The following RGS6 variants were observed in gnomAD, a reference collection of about 807,000 sequenced individuals.
RGS6 encodes regulator of G protein signaling 6.
In RGS6, 30 loss-of-function variants were observed where a neutral mutation model predicts 78.5. The observed-to-expected ratio is 0.38, with a 90% CI of 0.29 to 0.52. RGS6 has a LOEUF of 0.52. Ranked by LOEUF, RGS6 falls within the 20% of genes least tolerant of loss-of-function variation. The pLI is 0.85. For synonymous variants in RGS6, 206 were observed against 206.0 expected, an observed-to-expected ratio of 1.00 and a Z score of 0.00; for missense variants, 495 against 609.7, an observed-to-expected ratio of 0.81 and a Z score of 1.98.
chr14:72,287,627 T>G (rs1214827785), intron 2 of RGS6, among the ~76,000 whole-genome samples: 2 of 152,088 alleles, frequency 1.3e-5, no homozygotes. Context: ...TGGCTAATTT[T>G]TTGTATTTTT....
intron 3 of RGS6, among the ~76,000 whole-genome samples, chr14:72,386,047 G>A (rs1399195652): frequency 1.3e-5 from 2 of 152,032 alleles, no homozygotes; most frequent in Admixed American, 6.6e-5. Context: ...CCCTCATCAC[G>A]GACTTGTCCC....
chr14:72,523,338 C>T (rs568401743), intron 15 of RGS6, among the ~76,000 whole-genome samples: 51 of 152,142 alleles, frequency 3.4e-4, no homozygotes, highest in Non-Finnish European at 6.6e-4. Context: ...TTTCTCTTCT[C>T]GGTTTGCCTC....
At chr14:72,385,683 T>C (rs767491805) in intron 3 of RGS6, among the ~76,000 whole-genome samples, 8 of 152,156 alleles carry the variant, frequency 5.3e-5, no homozygotes, top group Non-Finnish European at 1.2e-4. Flanking sequence ...GCCAGGACAT[T>C]AGTCAGTGTG....
At chr14:72,609,338 G>A in the RGS6 span, among the ~76,000 whole-genome samples, 1 of 152,188 alleles carries the variant, frequency 6.6e-6, no homozygotes, top group South Asian at 2.1e-4. Context: ...TGGCACGTGG[G>A]CCACCAGTCT....
chr14:72,511,044 C>T (rs867955882), intron 14 of RGS6, among the ~76,000 whole-genome samples: 6 of 152,254 alleles, frequency 3.9e-5, no homozygotes, highest in Middle Eastern at 3.4e-3. Context: ...AATTTGGGAA[C>T]TTGTTTATTT....
intron 2 of RGS6, among the ~76,000 whole-genome samples, chr14:72,260,912 G>T (rs184428247): frequency 6.6e-6 from 1 of 152,192 alleles, no homozygotes; most frequent in Non-Finnish European, 1.5e-5. Context: ...GTACATTTTC[G>T]TGGGGCCAAG....
chr14:72,003,433 CTATTTCCAAAACT>C (rs757925796), intron 2 of RGS6, among the ~76,000 whole-genome samples: 2 of 152,184 alleles, frequency 1.3e-5, no homozygotes, highest in Non-Finnish European at 2.9e-5. Flanking sequence ...TCACTGCTAC[CTATTTCCAAAACT>C]TTTTCATCAT....
At chr14:72,543,230 C>T (rs1299037773) in intron 17 of RGS6, among the ~76,000 whole-genome samples, 1 of 152,234 alleles carries the variant, frequency 6.6e-6, no homozygotes, top group African/African-American at 2.4e-5. Flanking sequence ...CTGGTGGGCC[C>T]AGCCTCACAG....
intron 2 of RGS6, among the ~76,000 whole-genome samples, chr14:72,209,312 T>A (rs181566472): frequency 6.6e-6 from 1 of 152,218 alleles, no homozygotes; most frequent in African/African-American, 2.4e-5. Flanking sequence ...GTATACATAT[T>A]CTATTCTTTA....
intron 3 of RGS6, among the ~76,000 whole-genome samples, chr14:72,353,690 T>C (rs1445426282): frequency 6.6e-6 from 1 of 151,946 alleles, no homozygotes; most frequent in East Asian, 1.9e-4. Context: ...TAGGCCAAAA[T>C]TCATGGAACA....
chr14:72,400,858 G>T (rs201763067), intron 3 of RGS6, among the ~76,000 whole-genome samples: 1 of 152,142 alleles, frequency 6.6e-6, no homozygotes, highest in Non-Finnish European at 1.5e-5. Context: ...GGAGAAGCTC[G>T]GTCTTTTCCA....
At chr14:72,595,285 G>C in the RGS6 span, among the ~76,000 whole-genome samples, 1 of 151,960 alleles carries the variant, frequency 6.6e-6, no homozygotes, top group East Asian at 1.9e-4. Context: ...AAATACACCG[G>C]TTCAGTGTAT....
intron 7 of RGS6, among the ~76,000 whole-genome samples, chr14:72,469,403 C>G (rs2096014891): frequency 1.3e-5 from 2 of 152,164 alleles, no homozygotes; most frequent in Admixed American, 6.5e-5. Flanking sequence ...GATGGGGTTT[C>G]ACCCTGTTGA....
rs575503295 is a variant in RGS6, at chr14:72,273,815, G to A, written c.85-78280G>A. Among the ~76,000 whole-genome samples the A allele has an allele frequency of 2.5e-4, 38 of 152,246 alleles. 1 individual carries two copies. Among genetic ancestry groups the A allele is most frequent in the East Asian group, 2.1e-3 (11 of 5,178 alleles). On this transcript the variant is annotated intron_variant, in intron 2 of 17. Coordinates refer to ENST00000553525, the MANE Select transcript of RGS6 (RefSeq NM_001204424.2). The stretch of plus-strand genomic sequence containing the variant: ...ATGGCAGGTACATGGAGCTGCATCC[G>A]TTTGCAAAAGCTATCAATAAAGAAA...
intron 2 of RGS6, among the ~76,000 whole-genome samples, chr14:72,079,652 T>C (rs2094734826): frequency 1.3e-5 from 2 of 152,152 alleles, no homozygotes; most frequent in African/African-American, 4.8e-5. Context: ...TCTTCATACC[T>C]CACTGAAATT....
intron 13 of RGS6, among the ~76,000 whole-genome samples, chr14:72,503,467 C>T (rs1002837561): frequency 1.1e-4 from 17 of 152,126 alleles, no homozygotes; most frequent in Non-Finnish European, 4.4e-5. Context: ...TACCATTCAT[C>T]CTGAGGCAAA....
chr14:72,453,085 G>A (rs1384196446), intron 3 of RGS6, among the ~76,000 whole-genome samples: 1 of 152,162 alleles, frequency 6.6e-6, no homozygotes, highest in Non-Finnish European at 1.5e-5. Context: ...AGAGTGGTTA[G>A]GTTGGGGTTT....
In RGS6 at chr14:72,302,862, T is replaced by G. The variant is rs1275172279; in HGVS notation, c.85-49233T>G. 4.6e-5 allele frequency among the ~76,000 whole-genome samples: 7 copies of G among 152,278 alleles called. No individual in the cohort carries two copies. In the East Asian group the frequency reaches 1.4e-3, roughly 29 times the overall value. On this transcript the variant is annotated intron_variant, in intron 2 of 17. Coordinates refer to ENST00000553525, the MANE Select transcript of RGS6 (RefSeq NM_001204424.2). ...TGGGAGGGACCCAGTGGGAGGTAAT[T>G]GAATCATGGGGGTGGATTTTTCCCA... is the stretch of plus-strand genomic sequence containing the variant.
intron 12 of RGS6, among the ~76,000 whole-genome samples, chr14:72,481,104 T>G (rs1356072394): frequency 2.6e-5 from 4 of 152,088 alleles, no homozygotes; most frequent in African/African-American, 9.7e-5. Flanking sequence ...TTTCCTGTTT[T>G]CTAACTGATG....
Sources: gnomAD v4.1 joint callset for allele counts (sites outside exome capture counted in the v4.1 genomes callset) on GRCh38, gnomAD v4.1.1 for gene constraint, MANE v1.5 for transcripts, NCBI Gene and HGNC (gene_info 2026-07-23, HGNC 2026-07-21) for gene names.